LMO7: variants seen among roughly 807,000 people sequenced by gnomAD.
The protein encoded by LMO7 is LIM domain 7.
In LMO7, 120 loss-of-function variants were observed where a neutral mutation model predicts 206.5. The ratio of observed to expected loss-of-function variants is 0.58; its 90% CI spans 0.50 to 0.68. The LOEUF is 0.68. LMO7 is among the 30% of genes least tolerant of loss of function. LMO7 has a pLI of 0.00. For missense variants in LMO7, 1,959 were observed against 1,957.9 expected (o/e 1.00, Z -0.01); for synonymous variants, 706 against 681.5 (o/e 1.04, Z -0.56).
At position 75,808,205 on chromosome 13, in the gene LMO7, AGT is replaced by A; in HGVS notation, c.1916+11_1916+12del. 1.3e-6 allele frequency: 2 copies of A among 1,594,774 alleles called. No individual in the cohort carries two copies. Among genetic ancestry groups the A allele is most frequent in the Non-Finnish European group, 1.7e-6 (2 of 1,169,854 alleles). On this transcript the variant is annotated splice_region_variant and intron_variant, in intron 10 of 30. Transcript: ENST00000377534. ...AAAAGGCTGATGGTGGAGAGGTCAG[AGT>A]GTGTTTCTGCAAGGATTTTGCTTGT... is the stretch of plus-strand genomic sequence containing the variant.
intron 2 of LMO7, 63 bp downstream of exon 2, chr13:75,713,315 G>A (rs942078090): frequency 8.0e-7 from 1 of 1,245,572 alleles, no homozygotes; most frequent in Non-Finnish European, 1.1e-6. Context: ...TGTGAGTGAT[G>A]AGGTGTTTGG....
At chr13:75,654,530 C>T (rs2037866093) in intron 1 of LMO7, among the ~76,000 whole-genome samples, 1 of 152,120 alleles carries the variant, frequency 6.6e-6, no homozygotes, top group African/African-American at 2.4e-5. Flanking sequence ...GTTATTGGAT[C>T]TGGTAGAAGC....
At chr13:75,775,379 CT>C (rs1482625015) in intron 4 of LMO7, among the ~76,000 whole-genome samples, 1 of 152,074 alleles carries the variant, frequency 6.6e-6, no homozygotes, top group Non-Finnish European at 1.5e-5. Context: ...TGGAAAAACT[CT>C]TCTGGACATT....
Position 75,701,314 on chromosome 13 carries a change from G to A in LMO7, c.70-11868G>A, listed in dbSNP as rs116292753. 5.6e-3 allele frequency among the ~76,000 whole-genome samples: 849 copies of A among 152,294 alleles called. 16 individuals carry two copies. The highest frequency in any genetic ancestry group is 0.019 in the African/African-American group (794 of 41,556). Reference sequence around the variant, plus strand: ...AATAATACCAAACTTAAACTGGATAGTAAAGTATATCATAGGTAGCAAGGG... The same window carrying A: ...AATAATACCAAACTTAAACTGGATAATAAAGTATATCATAGGTAGCAAGGG... On this transcript the variant is annotated intron_variant, in intron 1 of 30. Transcript: ENST00000377534.
At chr13:75,791,189 T>G (rs1211089371) in intron 4 of LMO7, among the ~76,000 whole-genome samples, 1 of 152,160 alleles carries the variant, frequency 6.6e-6, no homozygotes, top group East Asian at 1.9e-4. Flanking sequence ...ATGTAAGCTT[T>G]GTATTCAGTC....
chr13:75,680,316 G>A (rs1197503965), intron 1 of LMO7, among the ~76,000 whole-genome samples: 2 of 152,176 alleles, frequency 1.3e-5, no homozygotes, highest in Non-Finnish European at 2.9e-5. Flanking sequence ...CATTTGGGTT[G>A]ATTCCATGTC....
intron 21 of LMO7, 121 bp downstream of exon 21, chr13:75,840,231 A>G (rs2059462244): frequency 7.3e-7 from 1 of 1,376,080 alleles, no homozygotes; most frequent in Non-Finnish European, 1.0e-6. Context: ...TTATCCTTCC[A>G]AGTTGAAAAA....
intron 4 of LMO7, among the ~76,000 whole-genome samples, chr13:75,793,682 A>T (rs1401007455): frequency 6.6e-6 from 1 of 152,218 alleles, no homozygotes; most frequent in Admixed American, 6.5e-5. Context: ...TTTTTGAAGG[A>T]TAATATACAG....
chr13:75,742,520 C>T (rs749084293), intron 3 of LMO7, among the ~76,000 whole-genome samples: 2 of 152,124 alleles, frequency 1.3e-5, no homozygotes, highest in African/African-American at 4.8e-5. Flanking sequence ...GGTACAAAAA[C>T]AGACACATAG....
chr13:75,760,855 A>G, intron 3 of LMO7, 77 bp from the exon 4 acceptor site: 2 of 1,585,830 alleles, frequency 1.3e-6, no homozygotes, highest in East Asian at 2.3e-5. Context: ...GAAGCTTCGA[A>G]GTTATATCAT....
intron 18 of LMO7, among the ~76,000 whole-genome samples, chr13:75,836,089 G>A (rs1255529039): frequency 6.6e-6 from 1 of 152,074 alleles, no homozygotes; most frequent in Non-Finnish European, 1.5e-5. Context: ...CTATATGACT[G>A]TTTTGTGTAC....
upstream of LMO7, among the ~76,000 whole-genome samples, chr13:75,633,057 G>A (rs2035200195): frequency 6.6e-6 from 1 of 151,528 alleles, no homozygotes. Context: ...TAGAGACCGG[G>A]TTTCACCATG....
At chr13:75,660,793 G>A (rs1156298313) in intron 1 of LMO7, among the ~76,000 whole-genome samples, 4 of 152,074 alleles carry the variant, frequency 2.6e-5, no homozygotes, top group Non-Finnish European at 1.5e-5. Flanking sequence ...TCCGTTTTTA[G>A]AAACCCGGTC....
At chr13:75,800,957 A>G in intron 7 of LMO7, 75 bp downstream of exon 7, 2 of 1,451,600 alleles carry the variant, frequency 1.4e-6, no homozygotes, top group Non-Finnish European at 9.6e-7. Flanking sequence ...GAATAGAAAA[A>G]TGGAGCAAAA....
chr13:75,675,989 C>G (rs1275286782), intron 1 of LMO7, among the ~76,000 whole-genome samples: 1 of 152,016 alleles, frequency 6.6e-6, no homozygotes, highest in Non-Finnish European at 1.5e-5. Context: ...TGTAATTGTT[C>G]CCTAAAACTG....
At chr13:75,820,921 C>T (rs145302527) in intron 13 of LMO7, among the ~76,000 whole-genome samples, 29 of 150,536 alleles carry the variant, frequency 1.9e-4, no homozygotes, top group South Asian at 1.0e-3. Context: ...TGCTTGAATG[C>T]GGGAGGCGGA....
At chr13:75,639,057 G>T (rs937403118) in intron 1 of LMO7, among the ~76,000 whole-genome samples, 2 of 152,034 alleles carry the variant, frequency 1.3e-5, no homozygotes, top group Non-Finnish European at 2.9e-5. Flanking sequence ...CGCAACTGCA[G>T]CTTTGAATAC....
intron 4 of LMO7, among the ~76,000 whole-genome samples, chr13:75,777,011 A>ATGAGG (rs1211236395): frequency 6.6e-6 from 1 of 152,222 alleles, no homozygotes; most frequent in Non-Finnish European, 1.5e-5. Flanking sequence ...AGTGTCCCAG[A>ATGAGG]TGAGGTGAGG....
chr13:75,757,310 C>G (rs543498067), intron 3 of LMO7, among the ~76,000 whole-genome samples: 1 of 152,114 alleles, frequency 6.6e-6, no homozygotes, highest in African/African-American at 2.4e-5. Context: ...AATGAAGGGT[C>G]CCCCAATTCA....
Sources: gnomAD v4.1 joint callset for allele counts (sites outside exome capture counted in the v4.1 genomes callset) on GRCh38, gnomAD v4.1.1 for gene constraint, MANE v1.5 for transcripts, NCBI Gene and HGNC (gene_info 2026-07-23, HGNC 2026-07-21) for gene names.